The following ZFHX3 variants were observed in gnomAD, a reference collection of about 807,000 sequenced individuals.
ZFHX3 encodes the protein zinc finger homeobox 3.
In ZFHX3, 42 loss-of-function variants were observed where a neutral mutation model predicts 279.1. The observed-to-expected ratio is 0.15, with a 90% CI of 0.12 to 0.19. The LOEUF is 0.19. Ranked by LOEUF, ZFHX3 falls within the 10% of genes least tolerant of loss-of-function variation. The pLI is 1.00. For missense variants in ZFHX3, 4,981 were observed against 4,754.0 expected (o/e 1.05, Z -1.40); for synonymous variants, 2,293 against 1,957.8 (o/e 1.17, Z -4.52).
At chr16:73,440,491 G>C (rs563977387) in intron 3 of ZFHX3, among the ~76,000 whole-genome samples, 1 of 152,200 alleles carries the variant, frequency 6.6e-6, no homozygotes, top group Non-Finnish European at 1.5e-5. Context: ...CCATTTCTCC[G>C]TGCCTGCCAC....
intron 1 of ZFHX3, among the ~76,000 whole-genome samples, chr16:72,961,909 C>A (rs554630972): frequency 6.6e-6 from 1 of 151,404 alleles, no homozygotes; most frequent in South Asian, 2.2e-4. Flanking sequence ...CAAACCAAAC[C>A]AAACCAAACC....
In ZFHX3 at chr16:73,516,889, A is replaced by T. The variant is rs115031614; in HGVS notation, c.-1546-60631T>A. Among the ~76,000 whole-genome samples, 900 of 152,312 alleles carry T rather than the reference A, an allele frequency of 5.9e-3. 10 individuals carry two copies. The highest frequency in any genetic ancestry group is 0.021 in the African/African-American group (877 of 41,568). ...GCTCATCTTGAATACTTTTCTGTCT[A>T]GTTATACATCAATGTCTGTCATTTC... On this transcript the variant is annotated intron_variant, in intron 2 of 17. Transcript: ENST00000641206.
intron 2 of ZFHX3, among the ~76,000 whole-genome samples, chr16:73,522,463 T>C (rs2143708915): frequency 6.6e-6 from 1 of 152,266 alleles, no homozygotes; most frequent in Non-Finnish European, 1.5e-5. Context: ...CATATGCCAT[T>C]ATCCATAGCC....
intron 2 of ZFHX3, among the ~76,000 whole-genome samples, chr16:73,518,335 G>A (rs2019557381): frequency 6.6e-6 from 1 of 152,204 alleles, no homozygotes; most frequent in Non-Finnish European, 1.5e-5. Context: ...CCCTGAATAA[G>A]GACATATACA....
intron 1 of ZFHX3, among the ~76,000 whole-genome samples, chr16:73,721,842 C>T (rs1334618314): frequency 1.3e-5 from 2 of 152,084 alleles, no homozygotes; most frequent in Non-Finnish European, 1.5e-5. Flanking sequence ...CCCAGGAGTT[C>T]GAGAACAGCC....
intron 2 of ZFHX3, among the ~76,000 whole-genome samples, chr16:73,545,793 TAAA>T (rs5817852): frequency 2.3e-4 from 32 of 140,836 alleles, no homozygotes; most frequent in Admixed American, 1.0e-3. Flanking sequence ...CTGCTGAAAT[TAAA>T]AAAAAAAAAA....
chr16:73,247,340 TG>T (rs2013315922), intron 5 of ZFHX3, among the ~76,000 whole-genome samples: 1 of 152,032 alleles, frequency 6.6e-6, no homozygotes, highest in African/African-American at 2.4e-5. Context: ...GTGTATACTG[TG>T]TATATAACGT....
chr16:73,255,485 G>A (rs1041983401), intron 5 of ZFHX3, among the ~76,000 whole-genome samples: 6 of 152,188 alleles, frequency 3.9e-5, no homozygotes, highest in African/African-American at 9.6e-5. Context: ...TGCCTTGCCT[G>A]TGATTTGGGA....
intron 1 of ZFHX3, among the ~76,000 whole-genome samples, chr16:73,784,796 A>AAAAAT (rs56734827): frequency 5.7e-4 from 75 of 131,090 alleles, no homozygotes; most frequent in East Asian, 3.5e-3. Context: ...TAAAAAAAAA[A>AAAAAT]ATATATATAT....
At chr16:73,290,968 T>C (rs894391351) in intron 4 of ZFHX3, among the ~76,000 whole-genome samples, 1 of 152,150 alleles carries the variant, frequency 6.6e-6, no homozygotes, top group African/African-American at 2.4e-5. Context: ...ATGAGAACCT[T>C]CTGACCAGGG....
intron 1 of ZFHX3, chr16:73,014,500 T>A (rs1964025592): frequency 1.3e-5 from 2 of 150,416 alleles, no homozygotes; most frequent in Admixed American, 1.3e-4. Flanking sequence ...ACCAACAAGT[T>A]TGTGGTAATT....
intron 1 of ZFHX3, among the ~76,000 whole-genome samples, chr16:73,878,847 C>A (rs892734936): frequency 7.9e-5 from 12 of 151,408 alleles, no homozygotes; most frequent in African/African-American, 2.7e-4. Context: ...TGAAGTTCAA[C>A]GTCACTTGAA....
At chr16:73,744,496 G>C (rs1479229923) in intron 1 of ZFHX3, among the ~76,000 whole-genome samples, 1 of 152,130 alleles carries the variant, frequency 6.6e-6, no homozygotes, top group Non-Finnish European at 1.5e-5. Flanking sequence ...TCTCCTTCAG[G>C]CCAGATCACA....
rs532882676 is a variant in ZFHX3, at chr16:73,463,110, T to C, written c.-1546-6852A>G. Among the ~76,000 whole-genome samples the C allele has an allele frequency of 2.0e-5, 3 of 152,334 alleles. No individual in the cohort carries two copies. In the South Asian group the frequency reaches 6.2e-4, roughly 32 times the overall value. On this transcript the variant is annotated intron_variant, in intron 2 of 17. Coordinates refer to the ZFHX3 transcript ENST00000641206. ...CAAGGTCTGAAGTCTATAATAAATT[T>C]CTTAGTCCATAATACTCATAGTTTC...
At chr16:73,746,458 C>A (rs1398390212) in intron 1 of ZFHX3, among the ~76,000 whole-genome samples, 1 of 152,156 alleles carries the variant, frequency 6.6e-6, no homozygotes, top group East Asian at 1.9e-4. Flanking sequence ...AAATACAGCA[C>A]CTTCATAGTC....
At chr16:73,817,876 G>C (rs1165081775) in intron 1 of ZFHX3, among the ~76,000 whole-genome samples, 1 of 152,216 alleles carries the variant, frequency 6.6e-6, no homozygotes, top group East Asian at 1.9e-4. Context: ...ACCTATTTAT[G>C]AGTTGATCAT....
At chr16:73,373,547 T>G (rs1036684525) in intron 3 of ZFHX3, among the ~76,000 whole-genome samples, 1 of 152,190 alleles carries the variant, frequency 6.6e-6, no homozygotes, top group South Asian at 2.1e-4. Flanking sequence ...GTTCAACTCC[T>G]GCTAGCCAGA....
chr16:73,084,613 C>T (rs534595770), intron 8 of ZFHX3, among the ~76,000 whole-genome samples: 12 of 150,912 alleles, frequency 8.0e-5, no homozygotes, highest in South Asian at 4.2e-4. Context: ...CTCCACTTCC[C>T]GGGTTCACAC....
intron 7 of ZFHX3, chr16:73,099,379 A>C (rs1966203397): frequency 6.6e-6 from 1 of 152,136 alleles, no homozygotes; most frequent in Non-Finnish European, 1.5e-5. Context: ...CACACCAGAC[A>C]GTTAGGTTCT....
Sources: gnomAD v4.1 joint callset for allele counts (sites outside exome capture counted in the v4.1 genomes callset) on GRCh38, gnomAD v4.1.1 for gene constraint, MANE v1.5 for transcripts, NCBI Gene and HGNC (gene_info 2026-07-23, HGNC 2026-07-21) for gene names.